The following CUL2 variants were observed in gnomAD, a reference collection of about 807,000 sequenced individuals.
CUL2 encodes cullin 2, also known as cullin-2.
In CUL2, 22 loss-of-function variants were observed where a neutral mutation model predicts 110.2. That is an observed-to-expected ratio of 0.20 (90% CI 0.14 to 0.28). The LOEUF (loss-of-function observed/expected upper bound fraction) is 0.28. Ranked by LOEUF, CUL2 falls within the 10% of genes least tolerant of loss-of-function variation. CUL2 has a pLI of 1.00. For synonymous variants in CUL2, 279 were observed against 293.2 expected (o/e 0.95, Z 0.49); for missense variants, 631 against 905.5 (o/e 0.70, Z 3.89).
intron 1 of CUL2, among the ~76,000 whole-genome samples, chr10:35,125,664 G>A (rs370252491): frequency 6.6e-6 from 1 of 152,256 alleles, no homozygotes; most frequent in East Asian, 1.9e-4. Context: ...ACCGATTTTT[G>A]TTATCATCAA....
intron 9 of CUL2, among the ~76,000 whole-genome samples, 200 bp downstream of exon 9, chr10:35,038,720 C>A (rs955194594): frequency 1.3e-5 from 2 of 151,744 alleles, no homozygotes; most frequent in African/African-American, 2.4e-5. Flanking sequence ...CAATTTCCCA[C>A]TTTTTCTTCT....
At chr10:35,071,114 T>G (rs1235693366) in intron 2 of CUL2, 85 bp downstream of exon 2, 2 of 1,332,392 alleles carry the variant, frequency 1.5e-6, no homozygotes, top group Non-Finnish European at 2.1e-6. Flanking sequence ...CATGGGAAAG[T>G]TCTTCCATAA....
At chr10:35,084,534 A>G (rs2087015303) in intron 1 of CUL2, among the ~76,000 whole-genome samples, 1 of 152,316 alleles carries the variant, frequency 6.6e-6, no homozygotes, top group African/African-American at 2.4e-5. Context: ...ACTGATATAG[A>G]AATCTATACA....
rs2085300556 is a variant in CUL2, at chr10:35,025,058, A to G, written c.1684+74T>C. 14 of 1,398,006 alleles carry G rather than the reference A, an allele frequency of 1.0e-5. No individual in the cohort carries two copies. In the East Asian group the frequency reaches 3.8e-4, roughly 37 times the overall value. 86.6% of individuals were successfully genotyped at this position (1,398,006 alleles called of 1,614,324 possible). ...AGGTTAAAAACTGTAATTGGGCCATAGAAAACCTCTTTCTAAATTAATATA... is the reference window on the plus strand; with the variant it reads ...AGGTTAAAAACTGTAATTGGGCCATGGAAAACCTCTTTCTAAATTAATATA... On this transcript the variant is annotated intron_variant, in intron 17 of 20. Transcript: ENST00000374749.
upstream of CUL2, among the ~76,000 whole-genome samples, chr10:35,093,912 A>G (rs2087253541): frequency 6.6e-6 from 1 of 152,004 alleles, no homozygotes; most frequent in African/African-American, 2.4e-5. Context: ...ATTTTGGAAA[A>G]TATGGTTATT....
At chr10:35,074,905 T>C (rs1461145488) in intron 1 of CUL2, among the ~76,000 whole-genome samples, 1 of 152,246 alleles carries the variant, frequency 6.6e-6, no homozygotes, top group Non-Finnish European at 1.5e-5. Flanking sequence ...CTCTGAACTG[T>C]AATTACCTGA....
chr10:35,097,371 A>T (rs980083254), intron 2 of CUL2, among the ~76,000 whole-genome samples: 10 of 151,872 alleles, frequency 6.6e-5, no homozygotes, highest in African/African-American at 2.4e-4. Flanking sequence ...CCAGAAGTGC[A>T]AGACCAGCCT....
At chr10:35,065,411 G>A (rs1479015782) in intron 2 of CUL2, among the ~76,000 whole-genome samples, 2 of 152,114 alleles carry the variant, frequency 1.3e-5, no homozygotes. Context: ...ATGAGGTCAG[G>A]AGATCGAGAC....
intron 2 of CUL2, among the ~76,000 whole-genome samples, chr10:35,070,059 T>G (rs1190497861): frequency 6.6e-6 from 1 of 152,202 alleles, no homozygotes; most frequent in East Asian, 1.9e-4. Context: ...GGTCCATCAA[T>G]TACTACCCGT....
intron 5 of CUL2, among the ~76,000 whole-genome samples, chr10:35,052,360 G>T (rs2086132596): frequency 1.3e-5 from 2 of 152,164 alleles, no homozygotes; most frequent in Non-Finnish European, 2.9e-5. Flanking sequence ...GAAAGGCAAT[G>T]GGGCAGAGCT....
chr10:35,012,079 G>A, intron 19 of CUL2, 115 bp from the exon 20 acceptor site: 2 of 614,218 alleles, frequency 3.3e-6, no homozygotes, highest in Non-Finnish European at 2.8e-6. Context: ...TTTGAGACAG[G>A]GTTTCACTCT....
chr10:35,066,137 GT>G (rs1395226633), intron 2 of CUL2, among the ~76,000 whole-genome samples: 3 of 152,030 alleles, frequency 2.0e-5, no homozygotes, highest in Non-Finnish European at 2.9e-5. Flanking sequence ...TTAATTTTGA[GT>G]TTTAACAGTA....
upstream of CUL2, among the ~76,000 whole-genome samples, chr10:35,091,087 C>T (rs1192239077): frequency 1.3e-5 from 2 of 152,148 alleles, no homozygotes; most frequent in Non-Finnish European, 2.9e-5. Context: ...TCACCAAGCC[C>T]CAAGCCTATC....
At chr10:35,074,288 T>C in intron 1 of CUL2, 1 of 1,191,652 alleles carries the variant, frequency 8.4e-7, no homozygotes. Flanking sequence ...AACTGCAACA[T>C]GGCACCCAAG....
At chr10:35,065,471 T>G (rs2086494095) in intron 2 of CUL2, among the ~76,000 whole-genome samples, 1 of 151,756 alleles carries the variant, frequency 6.6e-6, no homozygotes, top group African/African-American at 2.4e-5. Context: ...CACAAAAAAA[T>G]TAGCCGGCGT....
chr10:35,012,560 G>T (rs2084929835), intron 19 of CUL2, among the ~76,000 whole-genome samples: 1 of 152,138 alleles, frequency 6.6e-6, no homozygotes, highest in East Asian at 1.9e-4. Flanking sequence ...CGGAGCTCAA[G>T]AAACACAGAA....
intron 1 of CUL2, among the ~76,000 whole-genome samples, chr10:35,107,805 C>T (rs1400889546): frequency 7.2e-6 from 1 of 139,022 alleles, no homozygotes; most frequent in Non-Finnish European, 1.5e-5. Context: ...TGGCATGAAC[C>T]TGGGAGGAGG....
chr10:35,054,250 T>C (rs966226899), intron 5 of CUL2, among the ~76,000 whole-genome samples, 184 bp downstream of exon 5: 1 of 137,490 alleles, frequency 7.3e-6, no homozygotes, highest in Non-Finnish European at 1.6e-5. Context: ...AAAAGAGTAG[T>C]TGTCACATCT....
At chr10:35,032,705 C>G (rs529050522) in intron 11 of CUL2, among the ~76,000 whole-genome samples, 3 of 152,178 alleles carry the variant, frequency 2.0e-5, no homozygotes, top group South Asian at 2.1e-4. Flanking sequence ...TGTTGCTATT[C>G]CAAGATATTC....
Sources: gnomAD v4.1 joint callset for allele counts (sites outside exome capture counted in the v4.1 genomes callset) on GRCh38, gnomAD v4.1.1 for gene constraint, MANE v1.5 for transcripts, NCBI Gene and HGNC (gene_info 2026-07-23, HGNC 2026-07-21) for gene names.